Variants in PTPRG observed in about 807,000 individuals in gnomAD.
The protein encoded by PTPRG is receptor-type tyrosine-protein phosphatase gamma.
PTPRG carries 102 observed loss-of-function variants against 165.3 expected under a neutral mutation model. The observed-to-expected ratio is 0.62, with a 90% CI of 0.53 to 0.73. The LOEUF is 0.73. Ranked by LOEUF, PTPRG falls within the 30% of genes least tolerant of loss-of-function variation. The pLI is 0.00. For missense variants in PTPRG, 1,866 were observed against 1,861.4 expected (o/e 1.00, Z -0.05); for synonymous variants, 675 against 669.5 (o/e 1.01, Z -0.13).
chr3:62,078,624 C>A (rs759450440), intron 5 of PTPRG, among the ~76,000 whole-genome samples: 4 of 152,062 alleles, frequency 2.6e-5, no homozygotes, highest in Non-Finnish European at 4.4e-5. Flanking sequence ...ACATTACTTG[C>A]AAGTAAGTTA....
intron 15 of PTPRG, among the ~76,000 whole-genome samples, chr3:62,251,521 A>AG: frequency 6.6e-6 from 1 of 152,240 alleles, no homozygotes; most frequent in East Asian, 1.9e-4. Flanking sequence ...AACTATACCT[A>AG]GCTACTTAGG....
rs181565433 is a variant in PTPRG, at chr3:62,065,923, A to C, written c.520-12240A>C. 2.6e-5 allele frequency among the ~76,000 whole-genome samples: 4 copies of C among 152,368 alleles called. No homozygotes were observed. In the East Asian group the frequency reaches 7.7e-4, roughly 29 times the overall value. ...GTGGTTTGGATTTATAGAACTCAGAAGCGTTTGGAAGCCTTTAGTTGTTTT... is the reference window on the plus strand; with the variant it reads ...GTGGTTTGGATTTATAGAACTCAGACGCGTTTGGAAGCCTTTAGTTGTTTT... On this transcript the variant is annotated intron_variant, in intron 4 of 29. Coordinates refer to ENST00000474889, the MANE Select transcript of PTPRG (RefSeq NM_002841.4).
intron 2 of PTPRG, among the ~76,000 whole-genome samples, chr3:61,864,934 G>A (rs1204935826): frequency 6.6e-6 from 1 of 152,118 alleles, no homozygotes; most frequent in Non-Finnish European, 1.5e-5. Context: ...AATGTCTCAG[G>A]AAGGCCCACC....
chr3:62,226,317 G>A (rs1190129823), intron 13 of PTPRG, among the ~76,000 whole-genome samples: 1 of 152,202 alleles, frequency 6.6e-6, no homozygotes, highest in Non-Finnish European at 1.5e-5. Flanking sequence ...CTCTGCTGCT[G>A]GACATGGTGG....
At chr3:61,715,026 G>A (rs1029041130) in intron 1 of PTPRG, among the ~76,000 whole-genome samples, 1 of 152,140 alleles carries the variant, frequency 6.6e-6, no homozygotes, top group Non-Finnish European at 1.5e-5. Flanking sequence ...CCAGAATAGA[G>A]AGGCAAAGTG....
chr3:62,167,205 T>G (rs899178893), intron 7 of PTPRG, among the ~76,000 whole-genome samples: 5 of 152,188 alleles, frequency 3.3e-5, no homozygotes, highest in African/African-American at 1.2e-4. Flanking sequence ...ATTACGTGTT[T>G]TACAGTTGTG....
intron 2 of PTPRG, among the ~76,000 whole-genome samples, chr3:61,814,207 C>T (rs2035687040): frequency 6.6e-6 from 1 of 152,268 alleles, no homozygotes; most frequent in South Asian, 2.1e-4. Flanking sequence ...AGCTGAGATA[C>T]TATTTTTACA....
At chr3:61,846,476 A>G (rs2036808706) in intron 2 of PTPRG, among the ~76,000 whole-genome samples, 1 of 152,194 alleles carries the variant, frequency 6.6e-6, no homozygotes, top group South Asian at 2.1e-4. Context: ...TCTGAGGCTC[A>G]TTGACCTTGA....
chr3:62,074,822 G>A lies in PTPRG; in HGVS notation c.520-3341G>A, dbSNP rs920958503. 4.6e-5 allele frequency among the ~76,000 whole-genome samples: 7 copies of A among 152,204 alleles called. No individual in the cohort carries two copies. The South Asian group carries it at 1.5e-3, about 32-fold the overall frequency. On this transcript the variant is annotated intron_variant, in intron 4 of 29. Coordinates refer to ENST00000474889, the MANE Select transcript of PTPRG (RefSeq NM_002841.4). ...GGGCTCTGGGCACAGTTCATTTTGAGGATAAAATTGATGGTAGCTACCCCA... is the reference window on the plus strand; with the variant it reads ...GGGCTCTGGGCACAGTTCATTTTGAAGATAAAATTGATGGTAGCTACCCCA...
intron 6 of PTPRG, among the ~76,000 whole-genome samples, chr3:62,136,178 C>T (rs141547682): frequency 4.9e-4 from 75 of 152,202 alleles, no homozygotes; most frequent in African/African-American, 1.7e-3. Flanking sequence ...TCATTCTGTC[C>T]GTAGTTACTG....
chr3:61,708,441 A>ATTT (rs2031373332), intron 1 of PTPRG, among the ~76,000 whole-genome samples: 3 of 134,202 alleles, frequency 2.2e-5, no homozygotes, highest in Non-Finnish European at 3.2e-5. Flanking sequence ...CTCTCTGCAA[A>ATTT]TCTTTTTTTT....
chr3:61,780,927 A>G (rs1344431951), intron 2 of PTPRG, among the ~76,000 whole-genome samples: 1 of 152,274 alleles, frequency 6.6e-6, no homozygotes, highest in Non-Finnish European at 1.5e-5. Flanking sequence ...TTTTGCTAAC[A>G]AAAACATGAT....
At chr3:61,609,984 A>G (rs1451641364) in intron 1 of PTPRG, among the ~76,000 whole-genome samples, 4 of 150,712 alleles carry the variant, frequency 2.7e-5, no homozygotes, top group Admixed American at 6.7e-5. Context: ...TTTTGATTAT[A>G]TACAAATTAT....
chr3:61,566,035 T>C (rs530630995), intron 1 of PTPRG, among the ~76,000 whole-genome samples: 1 of 152,248 alleles, frequency 6.6e-6, no homozygotes, highest in South Asian at 2.1e-4. Flanking sequence ...TGGAATAAAA[T>C]CTTTGATGTT....
chr3:62,110,556 A>G (rs1702634003), intron 5 of PTPRG, among the ~76,000 whole-genome samples: 1 of 151,646 alleles, frequency 6.6e-6, no homozygotes, highest in African/African-American at 2.4e-5. Context: ...AAAAAAAAGG[A>G]ATGATACGCT....
At chr3:62,180,854 C>T (rs1343040290) in intron 8 of PTPRG, among the ~76,000 whole-genome samples, 1 of 152,148 alleles carries the variant, frequency 6.6e-6, no homozygotes, top group African/African-American at 2.4e-5. Flanking sequence ...TGTGGGAAGT[C>T]GAAACCAGTG....
At chr3:61,762,277 C>T (rs2033867694) in intron 2 of PTPRG, among the ~76,000 whole-genome samples, 1 of 152,116 alleles carries the variant, frequency 6.6e-6, no homozygotes, top group Non-Finnish European at 1.5e-5. Flanking sequence ...AAGGGAGTTT[C>T]AACACTCAAG....
At chr3:62,106,652 G>A (rs1702484034) in intron 5 of PTPRG, among the ~76,000 whole-genome samples, 3 of 152,062 alleles carry the variant, frequency 2.0e-5, no homozygotes, top group Admixed American at 1.3e-4. Flanking sequence ...ACGGGCATGT[G>A]CCACCACGCC....
chr3:61,911,159 T>G (rs2038793197), intron 2 of PTPRG, among the ~76,000 whole-genome samples: 1 of 152,194 alleles, frequency 6.6e-6, no homozygotes, highest in Non-Finnish European at 1.5e-5. Flanking sequence ...TTTCAAACCC[T>G]TTCAATACTT....
Sources: allele counts gnomAD v4.1 joint callset (sites outside exome capture counted in the v4.1 genomes callset), GRCh38; gene constraint gnomAD v4.1.1; transcripts MANE v1.5; gene names NCBI Gene and HGNC (gene_info 2026-07-23, HGNC 2026-07-21).